GLIS3: variants seen among roughly 807,000 people sequenced by gnomAD.
GLIS3 encodes the protein GLIS family zinc finger 3.
Under a neutral mutation model 78.6 loss-of-function variants are expected in GLIS3, and 53 were observed. The ratio of observed to expected loss-of-function variants is 0.67; its 90% CI spans 0.54 to 0.85. The LOEUF (loss-of-function observed/expected upper bound fraction) is 0.85. GLIS3 is among the 40% of genes least tolerant of loss of function. GLIS3 has a pLI of 0.00. For synonymous variants in GLIS3, 684 were observed against 509.9 expected (o/e 1.34, Z -4.60); for missense variants, 1,703 against 1,231.1 (o/e 1.38, Z -5.74).
At chr9:4,153,120 C>T (rs543823229) in intron 2 of GLIS3, among the ~76,000 whole-genome samples, 1 of 152,304 alleles carries the variant, frequency 6.6e-6, no homozygotes, top group East Asian at 1.9e-4. Context: ...TCTGTCTAGA[C>T]ATTGCCAAAT....
chr9:4,326,251 C>T (rs1264456940), intron 2 of GLIS3, among the ~76,000 whole-genome samples: 4 of 152,178 alleles, frequency 2.6e-5, no homozygotes, highest in Admixed American at 6.5e-5. Flanking sequence ...AAAATATATA[C>T]ACCAATGTTC....
chr9:3,931,075 C>G (rs1342817873), intron 6 of GLIS3, among the ~76,000 whole-genome samples: 1 of 152,024 alleles, frequency 6.6e-6, no homozygotes, highest in Non-Finnish European at 1.5e-5. Flanking sequence ...TCACAGATAT[C>G]AATTTACTGG....
At chr9:4,399,309 A>AT in the GLIS3 span, among the ~76,000 whole-genome samples, 1 of 152,200 alleles carries the variant, frequency 6.6e-6, no homozygotes, top group African/African-American at 2.4e-5. Flanking sequence ...ATAGTGATTT[A>AT]TTTTTTAAAA....
chr9:4,422,862 A>AG, the GLIS3 span, among the ~76,000 whole-genome samples: 1 of 152,224 alleles, frequency 6.6e-6, no homozygotes, highest in African/African-American at 2.4e-5. Context: ...CACAAGGCAA[A>AG]GACCCTGAGA....
In GLIS3 at chr9:4,053,604, A is replaced by G. The variant is rs571690301; in HGVS notation, c.1710+64164T>C. 2.7e-5 allele frequency among the ~76,000 whole-genome samples: 4 copies of G among 150,174 alleles called. No homozygotes were observed. The South Asian group carries it at 6.4e-4, about 24-fold the overall frequency. On this transcript the variant is annotated intron_variant, in intron 4 of 10. Coordinates refer to ENST00000381971, the MANE Select transcript of GLIS3 (RefSeq NM_001042413.2). The stretch of plus-strand genomic sequence containing the variant: ...CCAGGCACATAGCAGGTCTTTCTCT[A>G]GTGGATAAATGTCTCAATGGTGCTC...
chr9:4,300,249 C>G (rs1817009041), upstream of GLIS3, among the ~76,000 whole-genome samples: 1 of 150,066 alleles, frequency 6.7e-6, no homozygotes, highest in Non-Finnish European at 1.5e-5. Context: ...CACACACACT[C>G]CCCGTGCGCC....
chr9:4,286,886 C>T (rs1433045836), intron 1 of GLIS3, among the ~76,000 whole-genome samples: 2 of 152,156 alleles, frequency 1.3e-5, no homozygotes, highest in African/African-American at 4.8e-5. Context: ...CTTGGGAAAC[C>T]CAAAAGCACC....
intron 4 of GLIS3, among the ~76,000 whole-genome samples, chr9:3,979,973 G>A (rs1323281445): frequency 6.6e-6 from 1 of 152,140 alleles, no homozygotes; most frequent in Non-Finnish European, 1.5e-5. Context: ...TACCATGGAA[G>A]CAGGCAAAAG....
At chr9:4,352,766 A>T (rs1342364178), upstream of GLIS3, among the ~76,000 whole-genome samples, 1 of 152,236 alleles carries the variant, frequency 6.6e-6, no homozygotes, top group Non-Finnish European at 1.5e-5. Flanking sequence ...ACTTGGATGG[A>T]GAGATCAAAA....
At chr9:3,855,378 C>G (rs2281729) in intron 9 of GLIS3, 22,848 of 154,936 alleles carry the variant, frequency 0.15, 2,404 homozygotes, top group East Asian at 0.55. Flanking sequence ...GTGTTAAGTT[C>G]CCTAAAAGAT....
At chr9:4,050,586 T>TA (rs1825680827) in intron 4 of GLIS3, among the ~76,000 whole-genome samples, 1 of 152,062 alleles carries the variant, frequency 6.6e-6, no homozygotes, top group African/African-American at 2.4e-5. Flanking sequence ...CTCTAGAACT[T>TA]AAAGTATAAT....
intron 5 of GLIS3, among the ~76,000 whole-genome samples, chr9:3,936,293 G>A (rs538951420): frequency 3.3e-5 from 5 of 152,266 alleles, no homozygotes; most frequent in Non-Finnish European, 2.9e-5. Flanking sequence ...GCAAAGGAGG[G>A]CTATCAACAT....
At chr9:4,251,095 G>A (rs1824326624) in intron 2 of GLIS3, among the ~76,000 whole-genome samples, 2 of 152,176 alleles carry the variant, frequency 1.3e-5, no homozygotes, top group South Asian at 2.1e-4. Context: ...GATTTGAGGT[G>A]GAGAGTTCTG....
At chr9:4,323,772 T>C (rs1351749466) in intron 2 of GLIS3, among the ~76,000 whole-genome samples, 6 of 152,212 alleles carry the variant, frequency 3.9e-5, no homozygotes, top group Non-Finnish European at 8.8e-5. Context: ...ACCATGTCTA[T>C]GTTTGATTGC....
At chr9:4,233,715 C>T (rs932810357) in intron 2 of GLIS3, among the ~76,000 whole-genome samples, 4 of 152,206 alleles carry the variant, frequency 2.6e-5, no homozygotes, top group Non-Finnish European at 4.4e-5. Context: ...GGGAGCCAGC[C>T]TGTCCTTTGA....
chr9:4,084,294 C>CACACACACACACACACAA (rs1554691529), intron 4 of GLIS3, among the ~76,000 whole-genome samples: 1 of 86,090 alleles, frequency 1.2e-5, no homozygotes, highest in Non-Finnish European at 2.8e-5. Flanking sequence ...CACACACACA[C>CACACACACACACACACAA]AAATTCCTAG....
the GLIS3 span, among the ~76,000 whole-genome samples, chr9:4,364,756 C>CTTTTTTTTTTTTTTTTTTTTTTTTTT: frequency 1.6e-5 from 1 of 61,080 alleles, no homozygotes; most frequent in Non-Finnish European, 2.9e-5. Context: ...TCATGTATTG[C>CTTTTTTTTTTTTTTTTTTTTTTTTTT]TTTTTTTTTT....
intron 2 of GLIS3, among the ~76,000 whole-genome samples, chr9:4,261,910 AC>A (rs1825568181): frequency 6.6e-6 from 1 of 152,170 alleles, no homozygotes; most frequent in African/African-American, 2.4e-5. Context: ...CAACTAGTGT[AC>A]CCTGTAATAC....
intron 9 of GLIS3, among the ~76,000 whole-genome samples, chr9:3,834,142 TTTTC>T (rs1393664643): frequency 1.3e-5 from 2 of 152,204 alleles, no homozygotes; most frequent in African/African-American, 4.8e-5. Context: ...TTAGAAGGCT[TTTTC>T]TTTTTCTTTT....
Sources: gnomAD v4.1 joint callset for allele counts (sites outside exome capture counted in the v4.1 genomes callset) on GRCh38, gnomAD v4.1.1 for gene constraint, MANE v1.5 for transcripts, NCBI Gene and HGNC (gene_info 2026-07-23, HGNC 2026-07-21) for gene names.